The following CD40 variants were observed in gnomAD, a reference collection of about 807,000 sequenced individuals.
CD40 encodes tumor necrosis factor receptor superfamily member 5.
In CD40, 19 loss-of-function variants were observed where a neutral mutation model predicts 38.5. That is an observed-to-expected ratio of 0.49 (90% CI 0.34 to 0.72). The LOEUF (loss-of-function observed/expected upper bound fraction) is 0.72. Ranked by LOEUF, CD40 falls within the 30% of genes least tolerant of loss-of-function variation. The pLI, the probability that CD40 is intolerant of heterozygous loss-of-function variation, is 0.01. For synonymous variants in CD40, 130 were observed against 128.7 expected, an observed-to-expected ratio of 1.01 and a Z score of -0.07; for missense variants, 256 against 344.1, an observed-to-expected ratio of 0.74 and a Z score of 2.03.
chr20:46,125,995 G>T (rs1172428011), intron 5 of CD40, among the ~76,000 whole-genome samples: 1 of 152,014 alleles, frequency 6.6e-6, no homozygotes, highest in Non-Finnish European at 1.5e-5. Flanking sequence ...CATCCTTTAG[G>T]GCCCACTCAG....
At chr20:46,120,278 T>A (rs1410290659) in intron 1 of CD40, among the ~76,000 whole-genome samples, 6 of 152,242 alleles carry the variant, frequency 3.9e-5, no homozygotes, top group Admixed American at 2.0e-4. Context: ...ACATGTATTC[T>A]TTCTTATCTT....
intron 5 of CD40, among the ~76,000 whole-genome samples, chr20:46,125,385 A>G (rs1234264191): frequency 1.3e-5 from 2 of 151,612 alleles, no homozygotes; most frequent in Non-Finnish European, 2.9e-5. Flanking sequence ...CTCTACTAAA[A>G]ATACAAAAAT....
rs1269009969 is a variant in CD40, at chr20:46,122,184, G to A, written c.131-49G>A. 1 of 1,611,748 alleles carries A rather than the reference G, an allele frequency of 6.2e-7. No homozygotes were observed. Among genetic ancestry groups the A allele is most frequent in the South Asian group, 1.1e-5 (1 of 90,888 alleles). ...CCTGATCATTGTGTGGTTAGTGTCT[G>A]ACTCATGGAGTTGGCCAGAGCCCTC... is the stretch of plus-strand genomic sequence containing the variant. On this transcript the variant is annotated intron_variant, in intron 2 of 8. Coordinates refer to ENST00000372285, the MANE Select transcript of CD40 (RefSeq NM_001250.6). This position sits in a 1 kb window ranked among gnomAD's most constrained non-coding sequence, Gnocchi z 5.0.
At chr20:46,119,700 A>C (rs2085280166) in intron 1 of CD40, among the ~76,000 whole-genome samples, 1 of 151,538 alleles carries the variant, frequency 6.6e-6, no homozygotes, top group Non-Finnish European at 1.5e-5. Context: ...ATTTCTCACA[A>C]CTCCCCCATT....
chr20:46,126,947 G>A (rs946687338), intron 6 of CD40: 1 of 588,228 alleles, frequency 1.7e-6, no homozygotes, highest in Non-Finnish European at 3.0e-6. Flanking sequence ...TTTAGAGTGA[G>A]AAGGTTGGCC....
chr20:46,121,043 C>T (rs948145334), intron 1 of CD40, among the ~76,000 whole-genome samples: 11 of 152,152 alleles, frequency 7.2e-5, no homozygotes, highest in Admixed American at 3.9e-4. Flanking sequence ...CCAGCCTGGG[C>T]GATGGAGCGA....
In CD40 at chr20:46,129,119, C is replaced by A. The variant is rs756178814; in HGVS notation, c.*79C>A. 1 of 1,530,994 alleles carries A rather than the reference C, an allele frequency of 6.5e-7. No individual in the cohort carries two copies. The highest frequency in any genetic ancestry group is 9.0e-7 in the Non-Finnish European group (1 of 1,109,550). The allele number at this position is 1,530,994 out of a possible 1,614,324, so 94.8% of individuals were successfully genotyped here. On this transcript the variant is annotated 3_prime_UTR_variant, in exon 9 of 9. Transcript: ENST00000372285. The stretch of plus-strand genomic sequence containing the variant: ...GAGCCTGGTGCTGCTGCTGCTGTGG[C>A]GTGAGGGTGAGGGGCTGGCACTGAC...
chr20:46,120,190 G>A (rs950542127), intron 1 of CD40, among the ~76,000 whole-genome samples: 2 of 152,198 alleles, frequency 1.3e-5, no homozygotes, highest in Non-Finnish European at 2.9e-5. Context: ...TATCATGCAA[G>A]CAGAAACAAA....
intron 2 of CD40, 30 bp downstream of exon 2, chr20:46,121,928 G>A (rs2085326756): frequency 1.3e-6 from 2 of 1,572,172 alleles, no homozygotes; most frequent in South Asian, 1.1e-5. Context: ...GCCCCATCAT[G>A]GAGTCCCCCT....
Position 46,122,925 on chromosome 20 carries a change from G to A in CD40, c.403+169G>A. The A allele has an allele frequency of 3.1e-6, 3 of 959,340 alleles. No homozygotes were observed. The highest frequency in any genetic ancestry group is 4.8e-6 in the Non-Finnish European group (3 of 630,036). The allele number at this position is 959,340 out of a possible 1,614,324, so 59.4% of individuals were successfully genotyped here. A position where few individuals can be genotyped will look rare whatever the true frequency, so the allele number is the denominator to read the frequency against. On this transcript the variant is annotated intron_variant, in intron 4 of 8. Transcript: ENST00000372285. This position sits in a 1 kb window ranked among gnomAD's most constrained non-coding sequence, Gnocchi z 5.0. Reference sequence around the variant, plus strand: ...CTGCAGACGGGACCTTGTTCATTCTGCCTTCTGCCATGGGGATCTGCCTTT... The same window carrying A: ...CTGCAGACGGGACCTTGTTCATTCTACCTTCTGCCATGGGGATCTGCCTTT...
chr20:46,128,724 G>T (rs2085489597), intron 8 of CD40, 158 bp from the exon 9 acceptor site: 8 of 752,162 alleles, frequency 1.1e-5, no homozygotes, highest in Non-Finnish European at 1.8e-5. Context: ...CCCTTGGTGT[G>T]GCCAGCAGGG....
Position 46,128,990 on chromosome 20 carries a change from A to G in CD40, c.784A>G (p.Thr262Ala). ...GACTTTACATGGATGCCAACCGGTC[A>G]CCCAGGAGGATGGCAAAGAGAGTCG... The part of the protein sequence containing the change: ...QETLHGCQPV[T>A]QEDGKESRIS... Residue 262 changes from threonine to alanine, a missense_variant, in exon 9 of 9, where the codon ACC becomes GCC. Coordinates refer to ENST00000372285, the MANE Select transcript of CD40 (RefSeq NM_001250.6). 6.2e-7 allele frequency: 1 copy of G among 1,614,158 alleles called. No individual in the cohort carries two copies. The highest frequency in any genetic ancestry group is 2.2e-5 in the East Asian group (1 of 44,884).
intron 1 of CD40, among the ~76,000 whole-genome samples, chr20:46,121,549 C>G (rs1050590113): frequency 1.5e-4 from 23 of 152,106 alleles, no homozygotes; most frequent in African/African-American, 5.3e-4. Flanking sequence ...GCATCAAGCC[C>G]CAAGGAATTC....
Position 46,126,636 on chromosome 20 carries a change from A to G in CD40, c.498-4A>G. ...TGTGCATTTGTGCACGTGTCTGTGC[A>G]TAGCTGTGAGACCAAAGACCTGGTT... is the stretch of plus-strand genomic sequence containing the variant. On this transcript the variant is annotated splice_region_variant and splice_polypyrimidine_tract_variant and intron_variant, in intron 5 of 8. Coordinates refer to ENST00000372285, the MANE Select transcript of CD40 (RefSeq NM_001250.6). The G allele has an allele frequency of 6.2e-7, 1 of 1,614,160 alleles. No homozygotes were observed. The highest frequency in any genetic ancestry group is 1.1e-5 in the South Asian group (1 of 91,086).
chr20:46,128,455 C>G lies in CD40; in HGVS notation c.675+97C>G, dbSNP rs552022022. On this transcript the variant is annotated intron_variant, in intron 8 of 8. Transcript: ENST00000372285. ...GCAGTAAAACTGATTCAGAGTCTGT[C>G]TCTGCAGCCAGTGGGGTGGCAGCAG... is the stretch of plus-strand genomic sequence containing the variant. 99 of 1,348,916 alleles carry G rather than the reference C, an allele frequency of 7.3e-5. 1 individual carries two copies. The Admixed American group carries it at 1.5e-3, about 20-fold the overall frequency. The allele number at this position is 1,348,916 out of a possible 1,614,324, so 83.6% of individuals were successfully genotyped here.
rs1459548418 is a variant in CD40 at position 46,128,371 on chromosome 20, T to C, written c.675+13T>C. The C allele has an allele frequency of 1.9e-6, 3 of 1,603,802 alleles. No homozygotes were observed. Among genetic ancestry groups the C allele is most frequent in the East Asian group, 4.5e-5 (2 of 44,396 alleles). On this transcript the variant is annotated intron_variant, in intron 8 of 8. Coordinates refer to ENST00000372285, the MANE Select transcript of CD40 (RefSeq NM_001250.6). ...GCCAACCAATAAGGTAGGTCACCCC[T>C]GAGAACCCGGGACAGAGTTTTGACA...
At chr20:46,120,150 G>A (rs1423946534) in intron 1 of CD40, among the ~76,000 whole-genome samples, 2 of 152,144 alleles carry the variant, frequency 1.3e-5, no homozygotes, top group African/African-American at 4.8e-5. Flanking sequence ...ATTCTGGACA[G>A]CCAGCCAGGT....
At chr20:46,124,751 GTTTTTTTTTTTTTTTTTTT>G (rs780015926) in intron 5 of CD40, among the ~76,000 whole-genome samples, 2 of 73,938 alleles carry the variant, frequency 2.7e-5, no homozygotes, top group Admixed American at 2.1e-4. Flanking sequence ...CACTGGTATA[GTTTTTTTTTTTTTTTTTTT>G]TTTTTTTTTT....
chr20:46,129,586 T>A lies in CD40; in HGVS notation c.*546T>A, dbSNP rs1161417743. 2.4e-5 allele frequency: 4 copies of A among 170,000 alleles called. No individual in the cohort carries two copies. The highest frequency in any genetic ancestry group is 3.9e-5 in the Non-Finnish European group (3 of 77,438). The allele number at this position is 170,000 out of a possible 1,614,324, so 10.5% of individuals were successfully genotyped here. A position where few individuals can be genotyped will look rare whatever the true frequency, so the allele number is the denominator to read the frequency against. ...GCTGAATGATGGGTATGGAACTTTT[T>A]AAAAAAGTACATGCTTTTATGTATG... On this transcript the variant is annotated 3_prime_UTR_variant, in exon 9 of 9. Coordinates refer to ENST00000372285, the MANE Select transcript of CD40 (RefSeq NM_001250.6).
Sources: allele counts gnomAD v4.1 joint callset (sites outside exome capture counted in the v4.1 genomes callset), GRCh38; gene constraint gnomAD v4.1.1; non-coding constraint Gnocchi (gnomAD v3.1); transcripts MANE v1.5; gene names NCBI Gene and HGNC (gene_info 2026-07-23, HGNC 2026-07-21).